The following CAMK2G variants were observed in gnomAD, a reference collection of about 807,000 sequenced individuals.
The protein encoded by CAMK2G is calcium/calmodulin dependent protein kinase II gamma.
Under a neutral mutation model 88.7 loss-of-function variants are expected in CAMK2G, and 23 were observed. The observed-to-expected ratio is 0.26, with a 90% CI of 0.19 to 0.37. The LOEUF (loss-of-function observed/expected upper bound fraction) is 0.37, where lower values mean the gene tolerates loss of function less well. CAMK2G is among the 10% of genes least tolerant of loss of function. CAMK2G has a pLI of 1.00. For synonymous variants in CAMK2G, 263 were observed against 294.8 expected (o/e 0.89, Z 1.11); for missense variants, 476 against 780.8 (o/e 0.61, Z 4.65).
At chr10:73,865,350 G>A (rs1238140635) in intron 2 of CAMK2G, among the ~76,000 whole-genome samples, 5 of 152,166 alleles carry the variant, frequency 3.3e-5, no homozygotes, top group African/African-American at 9.7e-5. Context: ...GCCACTGTCC[G>A]CTTCCCTCCT....
chr10:73,858,767 T>C (rs2095224371), intron 3 of CAMK2G, among the ~76,000 whole-genome samples: 1 of 152,228 alleles, frequency 6.6e-6, no homozygotes, highest in African/African-American at 2.4e-5. Context: ...GTGAAGTCTA[T>C]GGGGTAAAAA....
intron 2 of CAMK2G, among the ~76,000 whole-genome samples, chr10:73,872,092 C>A (rs571239068): frequency 6.6e-6 from 1 of 152,364 alleles, no homozygotes; most frequent in East Asian, 1.9e-4. Flanking sequence ...CCTCCGAGAT[C>A]TGACCTCTGT....
intron 3 of CAMK2G, among the ~76,000 whole-genome samples, chr10:73,854,117 C>T (rs145544871): frequency 2.0e-5 from 3 of 152,316 alleles, no homozygotes; most frequent in Non-Finnish European, 4.4e-5. Context: ...TACACCACTG[C>T]TTCCCTTAAG....
intron 2 of CAMK2G, 79 bp from the exon 3 acceptor site, chr10:73,860,968 G>A (rs1290813105): frequency 1.4e-5 from 14 of 969,450 alleles, no homozygotes; most frequent in Admixed American, 1.4e-4. Flanking sequence ...TATTCCTTCA[G>A]TTCAGGTACT....
chr10:73,817,842 C>T (rs1295060638), intron 19 of CAMK2G: 3 of 494,002 alleles, frequency 6.1e-6, no homozygotes, highest in Non-Finnish European at 1.1e-5. Context: ...ACACGCTTGC[C>T]TTTAACAGGT....
rs919786341 is a variant in CAMK2G at position 73,842,024 on chromosome 10, A to G, written c.946+145T>C. ...AGGAGCAGGACTCAGCAGCAGCAGC[A>G]GCCCCTCAAAACAGGATCCTCACTC... On this transcript the variant is annotated intron_variant, in intron 12 of 22. Coordinates refer to ENST00000423381, the MANE Select transcript of CAMK2G (RefSeq NM_001367534.1). This position sits in a 1 kb window ranked among gnomAD's most constrained non-coding sequence, Gnocchi z 4.6. The G allele has an allele frequency of 8.4e-6, 6 of 710,734 alleles. No individual in the cohort carries two copies. Among genetic ancestry groups the G allele is most frequent in the African/African-American group, 3.5e-5 (2 of 57,244 alleles). 44.0% of individuals were successfully genotyped at this position (710,734 alleles called of 1,614,324 possible). A position where few individuals can be genotyped will look rare whatever the true frequency, so the allele number is the denominator to read the frequency against.
Position 73,817,475 on chromosome 10 carries a change from T to C in CAMK2G, c.1439+4A>G. 1 of 1,595,546 alleles carries C rather than the reference T, an allele frequency of 6.3e-7. No homozygotes were observed. The highest frequency in any genetic ancestry group is 8.6e-7 in the Non-Finnish European group (1 of 1,163,022). On this transcript the variant is annotated splice_donor_region_variant and intron_variant, in intron 20 of 22. Coordinates refer to ENST00000423381, the MANE Select transcript of CAMK2G (RefSeq NM_001367534.1). ...GTCACAAAAAAAAATGGGTCTCTAC[T>C]TACGTGTAGGCCTCAAAGTCCCCAT...
In CAMK2G at chr10:73,819,634, G is replaced by C; in HGVS notation, c.1261C>G (p.Arg421Gly). The C allele has an allele frequency of 6.5e-7, 1 of 1,541,442 alleles. No homozygotes were observed. The highest frequency in any genetic ancestry group is 8.7e-7 in the Non-Finnish European group (1 of 1,145,334). Residue 421 changes from arginine (R) to glycine (G), a missense_variant, in exon 19 of 23, where the codon CGC becomes GGC. Physicochemically the swap from Arg to Gly is moderately radical, Grantham distance 125 (BLOSUM62 -2). Transcript: ENST00000423381. Reference protein sequence around the residue: ...EDEDLKAAPLRTGNGSSVPEG... With the variant: ...EDEDLKAAPLGTGNGSSVPEG... ...GGCACCGAGCTGCCATTCCCAGTGC[G>C]GAGCGGGGCAGCTAGCCAGCCAGGG... is the stretch of plus-strand genomic sequence containing the variant.
chr10:73,837,689 T>G (rs1391332880), intron 13 of CAMK2G, among the ~76,000 whole-genome samples, 178 bp from the exon 14 acceptor site: 1 of 152,008 alleles, frequency 6.6e-6, no homozygotes, highest in African/African-American at 2.4e-5. Flanking sequence ...TTGAGTGGCG[T>G]CAGAGCCCTC....
intron 19 of CAMK2G, 83 bp downstream of exon 19, chr10:73,819,449 C>T: frequency 1.1e-6 from 1 of 949,224 alleles, no homozygotes; most frequent in South Asian, 1.4e-5. Context: ...GTGGGTGGGA[C>T]TGACAGCTGT....
chr10:73,839,547 G>T lies in CAMK2G; in HGVS notation c.1001C>A (p.Ala334Asp). Residue 334 changes from alanine to aspartate, a missense_variant, in exon 13 of 23, where the codon GCC becomes GAC. By Grantham distance (126) the Ala-to-Asp change is moderately radical. Coordinates refer to ENST00000423381, the MANE Select transcript of CAMK2G (RefSeq NM_001367534.1). This position sits in a 1 kb window ranked among gnomAD's most constrained non-coding sequence, Gnocchi z 4.2. The part of the protein sequence containing the change: ...ASPAASAAGL[A>D]GQAAKSLLNK... ...GGACTCATGCCACGTACCTTGCCCG[G>T]CCAGGCCGGCGGCGCTCGCGGCAGG... is the stretch of plus-strand genomic sequence containing the variant. 1 of 1,234,716 alleles carries T rather than the reference G, an allele frequency of 8.1e-7. No individual in the cohort carries two copies. 76.5% of individuals were successfully genotyped at this position (1,234,716 alleles called of 1,614,324 possible).
At position 73,848,474 on chromosome 10, in the gene CAMK2G, G is replaced by T; in HGVS notation, c.601+52C>A. 1 of 1,142,016 alleles carries T rather than the reference G, an allele frequency of 8.8e-7. No individual in the cohort carries two copies. The highest frequency in any genetic ancestry group is 1.3e-6 in the Non-Finnish European group (1 of 754,114). The allele number at this position is 1,142,016 out of a possible 1,614,324, so 70.7% of individuals were successfully genotyped here. A position where few individuals can be genotyped will look rare whatever the true frequency, so the allele number is the denominator to read the frequency against. Reference sequence around the variant, plus strand: ...GCGATGCCTCTTTCTTGCCATCATCGGAAGTTGAGGGCCCTTAACAGCGAA... The same window carrying T: ...GCGATGCCTCTTTCTTGCCATCATCTGAAGTTGAGGGCCCTTAACAGCGAA... On this transcript the variant is annotated intron_variant, in intron 8 of 22. Transcript: ENST00000423381. This position sits in a 1 kb window ranked among gnomAD's most constrained non-coding sequence, Gnocchi z 4.5.
intron 2 of CAMK2G, among the ~76,000 whole-genome samples, chr10:73,865,082 G>T (rs2095537005): frequency 6.6e-6 from 1 of 152,206 alleles, no homozygotes; most frequent in Non-Finnish European, 1.5e-5. Flanking sequence ...GGTCTCCTGG[G>T]CTGGGCTTGT....
At chr10:73,851,747 T>TTG (rs1408849492) in intron 5 of CAMK2G, among the ~76,000 whole-genome samples, 1 of 42,524 alleles carries the variant, frequency 2.4e-5, no homozygotes, top group African/African-American at 9.0e-5. Flanking sequence ...GTGATTTTTT[T>TTG]TGTGGGGGGG....
At position 73,835,306 on chromosome 10, in the gene CAMK2G, T is replaced by A. The variant is rs561316608; in HGVS notation, c.1053+2162A>T. ...TAGGGGCACAGCAGGTATCTTTTTT[T>A]TTTTTTTGAGGCAGGGTTTCACTGT... On this transcript the variant is annotated intron_variant, in intron 14 of 22. Coordinates refer to ENST00000423381, the MANE Select transcript of CAMK2G (RefSeq NM_001367534.1). Among the ~76,000 whole-genome samples the A allele has an allele frequency of 9.2e-4, 140 of 152,104 alleles. 3 individuals carry two copies. The highest frequency in any genetic ancestry group is 1.6e-3 in the Non-Finnish European group (108 of 67,988).
Position 73,845,253 on chromosome 10 carries a change from G to C in CAMK2G, c.819+1972C>G, listed in dbSNP as rs529944112. Among the ~76,000 whole-genome samples the C allele has an allele frequency of 7.9e-5, 12 of 152,198 alleles. No individual in the cohort carries two copies. In the South Asian group the frequency reaches 2.3e-3, roughly 29 times the overall value. ...TCTAACCACCCACTGAATGTGTCTG[G>C]CTGGAGGTTGCCAGACTCAGCAGGC... On this transcript the variant is annotated intron_variant, in intron 10 of 22. Coordinates refer to ENST00000423381, the MANE Select transcript of CAMK2G (RefSeq NM_001367534.1).
intron 18 of CAMK2G, 59 bp downstream of exon 18, chr10:73,821,623 G>T: frequency 7.5e-7 from 1 of 1,338,450 alleles, no homozygotes; most frequent in South Asian, 1.2e-5. Context: ...GTGCCCCATT[G>T]GAGCCCAGGT....
At chr10:73,816,910 A>C in intron 21 of CAMK2G, 113 bp downstream of exon 21, 1 of 1,610,730 alleles carries the variant, frequency 6.2e-7, no homozygotes, top group Non-Finnish European at 8.5e-7. Flanking sequence ...GGAGTGCAGC[A>C]CGAAGGTCAA....
At chr10:73,851,026 C>T (rs1483391639) in intron 5 of CAMK2G, among the ~76,000 whole-genome samples, 6 of 152,218 alleles carry the variant, frequency 3.9e-5, no homozygotes, top group Admixed American at 3.9e-4. Context: ...CGCAGGCTCC[C>T]TGAGCCATCA....
Sources: allele counts gnomAD v4.1 joint callset (sites outside exome capture counted in the v4.1 genomes callset), GRCh38; gene constraint gnomAD v4.1.1; non-coding constraint Gnocchi (gnomAD v3.1); transcripts MANE v1.5; gene names NCBI Gene and HGNC (gene_info 2026-07-23, HGNC 2026-07-21).